FBLN5: variants seen among roughly 807,000 people sequenced by gnomAD.
FBLN5 encodes the protein fibulin 5, also known as fibulin-5.
In FBLN5, 24 loss-of-function variants were observed where a neutral mutation model predicts 61.6. The observed-to-expected ratio is 0.39, with a 90% CI of 0.28 to 0.55. The LOEUF is 0.55. Ranked by LOEUF, FBLN5 falls within the 20% of genes least tolerant of loss-of-function variation. The pLI, the probability that FBLN5 is intolerant of heterozygous loss-of-function variation, is 0.65. For missense variants in FBLN5, 470 were observed against 594.1 expected (o/e 0.79, Z 2.17); for synonymous variants, 213 against 219.8 (o/e 0.97, Z 0.27).
chr14:91,919,346 AAAAAGAAAAG>A (rs1224425076), intron 4 of FBLN5, among the ~76,000 whole-genome samples: 37 of 85,458 alleles, frequency 4.3e-4, no homozygotes, highest in East Asian at 3.3e-3. Context: ...AAAGAAAAAA[AAAAAGAAAAG>A]AAAAGAAAAG....
rs183326333 is a variant in FBLN5, at chr14:91,939,926, A to G, written c.124+639T>C. Reference sequence around the variant, plus strand: ...CAGGAGTTCTTAAAAGTAGAAGAAGAAGAGGCTGATTGGTCAGAGAGATGC... The same window carrying G: ...CAGGAGTTCTTAAAAGTAGAAGAAGGAGAGGCTGATTGGTCAGAGAGATGC... On this transcript the variant is annotated intron_variant, in intron 3 of 10. Coordinates refer to ENST00000342058, the MANE Select transcript of FBLN5 (RefSeq NM_006329.4). The G allele has an allele frequency of 1.1e-3, 504 of 453,936 alleles. 4 individuals carry two copies. The highest frequency in any genetic ancestry group is 9.1e-3 in the African/African-American group (458 of 50,088). The allele number at this position is 453,936 out of a possible 1,614,324, so 28.1% of individuals were successfully genotyped here.
intron 4 of FBLN5, among the ~76,000 whole-genome samples, chr14:91,934,214 A>C (rs2055975239): frequency 6.6e-6 from 1 of 152,222 alleles, no homozygotes; most frequent in South Asian, 2.1e-4. Context: ...AAAAATAGCA[A>C]GAGAAGGACC....
chr14:91,877,521 T>C lies in FBLN5; in HGVS notation c.1151A>G (p.Lys384Arg). ...YPGAYYIFQIKSGNEGREFYM... is the reference protein window; with the variant it reads ...YPGAYYIFQIRSGNEGREFYM... Reference sequence around the variant, plus strand: ...AAATTCTCTGCCCTCATTCCCAGATTTGATCTGGAAAATGTAATAGGCCCC... The same window carrying C: ...AAATTCTCTGCCCTCATTCCCAGATCTGATCTGGAAAATGTAATAGGCCCC... The change falls in exon 10 of 11, where the codon AAA (lysine) becomes AGA (arginine). Residue 384 changes from lysine (K) to arginine (R), a missense_variant. By Grantham distance (26) the Lys-to-Arg change is conservative. Coordinates refer to ENST00000342058, the MANE Select transcript of FBLN5 (RefSeq NM_006329.4). 1 of 1,614,098 alleles carries C rather than the reference T, an allele frequency of 6.2e-7. No homozygotes were observed. The highest frequency in any genetic ancestry group is 8.5e-7 in the Non-Finnish European group (1 of 1,179,996).
chr14:91,875,867 G>A (rs548352153), intron 10 of FBLN5, among the ~76,000 whole-genome samples: 3 of 152,326 alleles, frequency 2.0e-5, no homozygotes, highest in Admixed American at 6.5e-5. Context: ...GTGAGAGAAT[G>A]AGACAATCCA....
chr14:91,891,110 T>TG, intron 6 of FBLN5, 111 bp downstream of exon 6: 1 of 770,200 alleles, frequency 1.3e-6, no homozygotes, highest in Non-Finnish European at 2.4e-6. Context: ...TGGCAAGGAA[T>TG]GGGAATATAC....
At chr14:91,885,698 G>A (rs990040954) in intron 7 of FBLN5, among the ~76,000 whole-genome samples, 5 of 152,162 alleles carry the variant, frequency 3.3e-5, no homozygotes, top group African/African-American at 1.2e-4. Context: ...AAATGGCAGA[G>A]CTAGAATTTG....
In FBLN5 at chr14:91,870,152, C is replaced by G; in HGVS notation, c.*72G>C. ...CTAACGTCTGTGTCGCTCTCATTCT[C>G]TCTGTTATTTCCTCTCTTCTCCTGT... On this transcript the variant is annotated 3_prime_UTR_variant, in exon 11 of 11. Coordinates refer to ENST00000342058, the MANE Select transcript of FBLN5 (RefSeq NM_006329.4). 1 of 1,469,038 alleles carries G rather than the reference C, an allele frequency of 6.8e-7. No individual in the cohort carries two copies. Among genetic ancestry groups the G allele is most frequent in the Non-Finnish European group, 9.5e-7 (1 of 1,048,866 alleles). The allele number at this position is 1,469,038 out of a possible 1,614,324, so 91.0% of individuals were successfully genotyped here.
At chr14:91,893,086 T>C (rs1425284322) in intron 5 of FBLN5, among the ~76,000 whole-genome samples, 1 of 151,948 alleles carries the variant, frequency 6.6e-6, no homozygotes, top group African/African-American at 2.4e-5. Context: ...CCCCTACCAC[T>C]CCAGCGCCCC....
At chr14:91,944,280 T>G (rs1455791010) in intron 1 of FBLN5, among the ~76,000 whole-genome samples, 1 of 152,118 alleles carries the variant, frequency 6.6e-6, no homozygotes, top group African/African-American at 2.4e-5. Context: ...TACTTCACAC[T>G]CATGAGGCTA....
rs1236082048 is a variant in FBLN5, at chr14:91,943,993, A to C, written c.18-1032T>G. 1.3e-5 allele frequency among the ~76,000 whole-genome samples: 2 copies of C among 152,042 alleles called. No individual in the cohort carries two copies. Among genetic ancestry groups the C allele is most frequent in the African/African-American group, 2.4e-5 (1 of 41,420 alleles). On this transcript the variant is annotated intron_variant, in intron 1 of 10. Coordinates refer to ENST00000342058, the MANE Select transcript of FBLN5 (RefSeq NM_006329.4). The surrounding 1 kb of genome is among the most constrained non-coding windows in gnomAD (Gnocchi z 4.0). ...TGCAACTCTGCCCTTCGCCACGCAC[A>C]GGCTTTAATCCAGTAAGATTGTGGC... is the stretch of plus-strand genomic sequence containing the variant.
At chr14:91,919,441 A>C (rs2140021054) in intron 4 of FBLN5, among the ~76,000 whole-genome samples, 1 of 137,170 alleles carries the variant, frequency 7.3e-6, no homozygotes, top group South Asian at 2.3e-4. Context: ...AAGGATTACC[A>C]GGGGTCTCTG....
chr14:91,870,791 C>T (rs976641009), intron 10 of FBLN5, among the ~76,000 whole-genome samples: 2 of 152,178 alleles, frequency 1.3e-5, no homozygotes, highest in Non-Finnish European at 2.9e-5. Flanking sequence ...GGCTTTTCAC[C>T]ACTGAGTCCC....
intron 4 of FBLN5, among the ~76,000 whole-genome samples, chr14:91,935,608 G>A (rs1189757026): frequency 6.6e-6 from 1 of 152,164 alleles, no homozygotes; most frequent in African/African-American, 2.4e-5. Context: ...GAGAAGTTAG[G>A]GGAGCTGGAC....
intron 6 of FBLN5, among the ~76,000 whole-genome samples, chr14:91,887,926 C>T (rs763127900): frequency 4.6e-5 from 7 of 152,142 alleles, no homozygotes; most frequent in African/African-American, 9.6e-5. Context: ...TGGTTTCATG[C>T]GGGTACACGT....
intron 4 of FBLN5, among the ~76,000 whole-genome samples, chr14:91,906,449 T>C (rs962701202): frequency 2.0e-5 from 3 of 152,116 alleles, no homozygotes; most frequent in African/African-American, 4.8e-5. Flanking sequence ...CACCTCCCAG[T>C]TGAGGGGTGG....
chr14:91,885,075 G>T (rs1234078950), intron 7 of FBLN5, among the ~76,000 whole-genome samples: 3 of 152,226 alleles, frequency 2.0e-5, no homozygotes, highest in Non-Finnish European at 4.4e-5. Flanking sequence ...TGATAACACA[G>T]TGAGGATAAC....
chr14:91,913,918 C>T (rs908932052), intron 4 of FBLN5, among the ~76,000 whole-genome samples: 6 of 152,200 alleles, frequency 3.9e-5, no homozygotes, highest in African/African-American at 1.4e-4. Flanking sequence ...ATTAAAAATT[C>T]TTACAACTTA....
At chr14:91,886,408 G>A (rs1889725723) in intron 7 of FBLN5, among the ~76,000 whole-genome samples, 1 of 152,066 alleles carries the variant, frequency 6.6e-6, no homozygotes, top group Non-Finnish European at 1.5e-5. Context: ...TATTCTCAAG[G>A]AGTTTACAAT....
chr14:91,932,207 T>C (rs934467739), intron 4 of FBLN5, among the ~76,000 whole-genome samples: 3 of 152,170 alleles, frequency 2.0e-5, no homozygotes, highest in Non-Finnish European at 4.4e-5. Flanking sequence ...AAGATGCCAG[T>C]TTTCTGAACA....
Sources: gnomAD v4.1 joint callset for allele counts (sites outside exome capture counted in the v4.1 genomes callset) on GRCh38, gnomAD v4.1.1 for gene constraint, Gnocchi (gnomAD v3.1) non-coding constraint, MANE v1.5 for transcripts, NCBI Gene and HGNC (gene_info 2026-07-23, HGNC 2026-07-21) for gene names.